The following SLIT3 variants were observed in gnomAD, a reference collection of about 807,000 sequenced individuals.
SLIT3 encodes the protein slit homolog 3 protein.
A neutral mutation model predicts 184.0 loss-of-function variants in SLIT3; 68 were observed. That is an observed-to-expected ratio of 0.37 (90% CI 0.30 to 0.45). The LOEUF (loss-of-function observed/expected upper bound fraction) is 0.45, where lower values mean the gene tolerates loss of function less well. Ranked by LOEUF, SLIT3 falls within the 20% of genes least tolerant of loss-of-function variation. SLIT3 has a pLI of 1.00. For synonymous variants in SLIT3, 831 were observed against 828.6 expected (o/e 1.00, Z -0.05); for missense variants, 1,707 against 2,026.0 (o/e 0.84, Z 3.02).
At chr5:168,668,583 G>C (rs527751950) in intron 35 of SLIT3, among the ~76,000 whole-genome samples, 14 of 152,336 alleles carry the variant, frequency 9.2e-5, no homozygotes, top group African/African-American at 3.1e-4. Context: ...GGCAGTATGA[G>C]TTATCTGCAC....
chr5:168,820,033 C>A (rs1310565950), intron 7 of SLIT3, among the ~76,000 whole-genome samples: 3 of 152,142 alleles, frequency 2.0e-5, no homozygotes, highest in African/African-American at 7.2e-5. Flanking sequence ...TCTTGCCTTT[C>A]ACAACATGTT....
At chr5:169,267,847 C>T (rs946688056) in intron 1 of SLIT3, among the ~76,000 whole-genome samples, 1 of 152,226 alleles carries the variant, frequency 6.6e-6, no homozygotes, top group African/African-American at 2.4e-5. Flanking sequence ...AAGTCTATGG[C>T]TATTTGCAGG....
chr5:168,857,030 C>G (rs1314423573), intron 5 of SLIT3, among the ~76,000 whole-genome samples: 2 of 152,090 alleles, frequency 1.3e-5, no homozygotes, highest in South Asian at 4.2e-4. Context: ...CATGCTGTCT[C>G]TAAATTCTCC....
At position 169,049,621 on chromosome 5, in the gene SLIT3, G is replaced by A. The variant is rs112592616; in HGVS notation, c.413+143858C>T. On this transcript the variant is annotated intron_variant, in intron 4 of 35. Coordinates refer to ENST00000519560, the MANE Select transcript of SLIT3 (RefSeq NM_003062.4). Reference sequence around the variant, plus strand: ...CAGAAATTCTCTAGTTTCTTTCCACGAAGTCCAGCCTAGGGCCCTAGACTC... The same window carrying A: ...CAGAAATTCTCTAGTTTCTTTCCACAAAGTCCAGCCTAGGGCCCTAGACTC... Among the ~76,000 whole-genome samples, 217 of 152,222 alleles carry A rather than the reference G, an allele frequency of 1.4e-3. 1 individual carries two copies. The highest frequency in any genetic ancestry group is 4.9e-3 in the African/African-American group (202 of 41,550).
intron 16 of SLIT3, among the ~76,000 whole-genome samples, chr5:168,759,900 G>A (rs887290735): frequency 6.6e-6 from 1 of 152,118 alleles, no homozygotes; most frequent in Admixed American, 6.5e-5. Context: ...AGGCAGAGGG[G>A]CCAAAGAGTG....
chr5:169,281,527 T>C (rs1007435409), intron 1 of SLIT3, among the ~76,000 whole-genome samples: 79 of 152,342 alleles, frequency 5.2e-4, no homozygotes, highest in African/African-American at 1.9e-3. Flanking sequence ...CTCTAGGCTA[T>C]TGTATTTGCG....
intron 4 of SLIT3, among the ~76,000 whole-genome samples, chr5:169,164,291 A>G (rs190499752): frequency 6.6e-6 from 1 of 152,294 alleles, no homozygotes; most frequent in East Asian, 1.9e-4. Flanking sequence ...GGCTAATTCA[A>G]TTCCCTCGGA....
chr5:168,899,998 T>G (rs1052195799), intron 4 of SLIT3, among the ~76,000 whole-genome samples: 1 of 152,180 alleles, frequency 6.6e-6, no homozygotes, highest in Non-Finnish European at 1.5e-5. Context: ...TCTCTGTGAA[T>G]AGACATTTTG....
In SLIT3 at chr5:168,665,469, G is replaced by A. The variant is rs1761004152; in HGVS notation, c.*985C>T. The A allele has an allele frequency of 6.6e-6, 1 of 152,242 alleles. No homozygotes were observed. Among genetic ancestry groups the A allele is most frequent in the African/African-American group, 2.4e-5 (1 of 41,448 alleles). 9.4% of individuals were successfully genotyped at this position (152,242 alleles called of 1,614,324 possible). On this transcript the variant is annotated 3_prime_UTR_variant, in exon 36 of 36. Coordinates refer to ENST00000519560, the MANE Select transcript of SLIT3 (RefSeq NM_003062.4). ...CTTCTCTACTGGGATACATTCCAAT[G>A]AAAAATTACCTGGAAGGAGGAGAGA...
intron 16 of SLIT3, among the ~76,000 whole-genome samples, chr5:168,755,015 T>C (rs867959971): frequency 4.6e-5 from 7 of 152,254 alleles, no homozygotes; most frequent in Middle Eastern, 3.2e-3. Flanking sequence ...CTGATACAAA[T>C]AAATTGGTGC....
chr5:169,039,619 G>C (rs1039356377), intron 4 of SLIT3, among the ~76,000 whole-genome samples: 1 of 152,164 alleles, frequency 6.6e-6, no homozygotes, highest in East Asian at 1.9e-4. Flanking sequence ...ACCCGGCCAG[G>C]AGTTAAGTTC....
chr5:168,949,631 C>A (rs1410140072), intron 4 of SLIT3, among the ~76,000 whole-genome samples: 1 of 152,216 alleles, frequency 6.6e-6, no homozygotes, highest in South Asian at 2.1e-4. Flanking sequence ...CAGGGGCTCG[C>A]TGTGTCGCCC....
chr5:169,088,212 T>TGGCCGTATGGCTTGTGTTCATAAATA (rs1241345186), intron 4 of SLIT3, among the ~76,000 whole-genome samples: 6 of 152,176 alleles, frequency 3.9e-5, no homozygotes, highest in Non-Finnish European at 5.9e-5. Flanking sequence ...GTGTGTCGGC[T>TGGCCGTATGGCTTGTGTTCATAAATA]GGCCGTATGG....
chr5:168,932,857 A>G (rs1762037103), intron 4 of SLIT3, among the ~76,000 whole-genome samples: 1 of 152,252 alleles, frequency 6.6e-6, no homozygotes, highest in Non-Finnish European at 1.5e-5. Flanking sequence ...ACAGCTGAAC[A>G]TCGCACAACA....
chr5:169,253,935 C>G (rs1011489161), intron 1 of SLIT3, among the ~76,000 whole-genome samples: 4 of 152,212 alleles, frequency 2.6e-5, no homozygotes, highest in African/African-American at 9.6e-5. Flanking sequence ...TCCTTAGTAT[C>G]TAAGTGCAAG....
intron 23 of SLIT3, among the ~76,000 whole-genome samples, chr5:168,714,501 T>A (rs1485347449): frequency 2.0e-5 from 3 of 152,128 alleles, no homozygotes; most frequent in African/African-American, 7.2e-5. Context: ...GAGAACTGCT[T>A]GAACCCAGGA....
chr5:168,897,644 A>ACG (rs59784827), intron 4 of SLIT3, among the ~76,000 whole-genome samples: 55,845 of 123,432 alleles, frequency 0.45, 11,226 homozygotes, highest in Admixed American at 0.53. Context: ...AGACAGGTGC[A>ACG]CGTACACACA....
intron 4 of SLIT3, among the ~76,000 whole-genome samples, chr5:169,129,203 T>C (rs1018981833): frequency 7.9e-5 from 12 of 152,280 alleles, no homozygotes; most frequent in Admixed American, 5.9e-4. Flanking sequence ...GATGCCCCTC[T>C]CTAATGTGCT....
At chr5:169,166,832 C>T (rs1762653155) in intron 4 of SLIT3, among the ~76,000 whole-genome samples, 1 of 152,134 alleles carries the variant, frequency 6.6e-6, no homozygotes, top group East Asian at 1.9e-4. Context: ...GAATATTCTC[C>T]AAAGTGACTT....
Sources: gnomAD v4.1 joint callset for allele counts (sites outside exome capture counted in the v4.1 genomes callset) on GRCh38, gnomAD v4.1.1 for gene constraint, MANE v1.5 for transcripts, NCBI Gene and HGNC (gene_info 2026-07-23, HGNC 2026-07-21) for gene names.